PRKACB: variants seen among roughly 807,000 people sequenced by gnomAD.
The protein encoded by PRKACB is protein kinase cAMP-activated catalytic subunit beta.
In PRKACB, 16 loss-of-function variants were observed where a neutral mutation model predicts 51.4. The ratio of observed to expected loss-of-function variants is 0.31; its 90% confidence interval spans 0.21 to 0.47. The LOEUF (loss-of-function observed/expected upper bound fraction) is 0.47. Ranked by LOEUF, PRKACB falls within the 20% of genes least tolerant of loss-of-function variation. PRKACB has a pLI of 1.00. For synonymous variants in PRKACB, 147 were observed against 154.4 expected (o/e 0.95, Z 0.35); for missense variants, 309 against 464.5 (o/e 0.67, Z 3.08).
At chr1:84,172,982 G>A (rs201881874) in intron 1 of PRKACB, among the ~76,000 whole-genome samples, 4 of 151,532 alleles carry the variant, frequency 2.6e-5, no homozygotes, top group Non-Finnish European at 4.4e-5. Context: ...TTTTATACTC[G>A]CTATCATTTT....
chr1:84,205,973 T>C (rs1671279540), intron 8 of PRKACB, among the ~76,000 whole-genome samples: 1 of 152,214 alleles, frequency 6.6e-6, no homozygotes, highest in South Asian at 2.1e-4. Flanking sequence ...TTAAATTTCA[T>C]GTCTCAGTGT....
intron 3 of PRKACB, 56 bp from the exon 4 acceptor site, chr1:84,183,978 AATG>A: frequency 7.0e-7 from 1 of 1,436,746 alleles, no homozygotes; most frequent in Non-Finnish European, 9.2e-7. Context: ...CATTTTTTTA[AATG>A]ATAACTTTTT....
At chr1:84,188,007 A>G (rs1363695794) in intron 5 of PRKACB, among the ~76,000 whole-genome samples, 1 of 152,114 alleles carries the variant, frequency 6.6e-6, no homozygotes, top group African/African-American at 2.4e-5. Context: ...ATTCTGCTAT[A>G]AAGAGAGAGC....
At chr1:84,222,695 A>G (rs2101633542) in intron 9 of PRKACB, among the ~76,000 whole-genome samples, 1 of 152,324 alleles carries the variant, frequency 6.6e-6, no homozygotes, top group East Asian at 1.9e-4. Context: ...CTGCTGTAAT[A>G]GTGGTAATTC....
At chr1:84,102,895 CTT>C (rs1307105221) in intron 1 of PRKACB, among the ~76,000 whole-genome samples, 1 of 152,176 alleles carries the variant, frequency 6.6e-6, no homozygotes, top group Non-Finnish European at 1.5e-5. Flanking sequence ...GTTTATACCT[CTT>C]GTTTTCCCTC....
chr1:84,202,663 T>C lies in PRKACB; in HGVS notation c.784-20T>C, dbSNP rs1670477667. The C allele has an allele frequency of 1.3e-6, 2 of 1,575,448 alleles. No homozygotes were observed. The highest frequency in any genetic ancestry group is 8.6e-7 in the Non-Finnish European group (1 of 1,161,176). ...TGAGTAACTTAAGTAACAATTGACA[T>C]TGGTGTTGGTTTATCTCAGGGCTAC... On this transcript the variant is annotated intron_variant, in intron 7 of 9. Coordinates refer to ENST00000370685, the MANE Select transcript of PRKACB (RefSeq NM_182948.4).
chr1:84,233,075 C>T (rs192627627), intron 9 of PRKACB, among the ~76,000 whole-genome samples: 36 of 151,372 alleles, frequency 2.4e-4, no homozygotes, highest in African/African-American at 1.5e-4. Context: ...CCATGTTTAG[C>T]ACTTCCTTCA....
chr1:84,213,902 C>T (rs540818824), intron 8 of PRKACB, among the ~76,000 whole-genome samples: 2 of 152,266 alleles, frequency 1.3e-5, no homozygotes, highest in South Asian at 4.1e-4. Context: ...GGAGACTGCT[C>T]CATGTTCTTA....
Position 84,222,731 on chromosome 1 carries a change from G to T in PRKACB, c.1071+8414G>T, listed in dbSNP as rs369151357. 2.0e-5 allele frequency among the ~76,000 whole-genome samples: 3 copies of T among 152,286 alleles called. No individual in the cohort carries two copies. In the East Asian group the frequency reaches 5.8e-4, roughly 29 times the overall value. The stretch of plus-strand genomic sequence containing the variant: ...CCTCAGTTTTTGCTTATCTGGGAAA[G>T]ACTTTTTTTCTCCTTCATTTTTGAA... On this transcript the variant is annotated intron_variant, in intron 9 of 9. Transcript: ENST00000370685.
intron 1 of PRKACB, among the ~76,000 whole-genome samples, chr1:84,102,105 G>A (rs1649392062): frequency 6.6e-6 from 1 of 151,650 alleles, no homozygotes; most frequent in Non-Finnish European, 1.5e-5. Context: ...AAAATTTTGT[G>A]TGTGCCTGTA....
At chr1:84,205,875 A>T (rs1308571127) in intron 8 of PRKACB, among the ~76,000 whole-genome samples, 2 of 152,126 alleles carry the variant, frequency 1.3e-5, no homozygotes, top group African/African-American at 4.8e-5. Context: ...GAGTCTACAA[A>T]TTCATAGTTG....
chr1:84,083,759 A>G (rs1647738166), intron 1 of PRKACB, among the ~76,000 whole-genome samples: 2 of 152,242 alleles, frequency 1.3e-5, no homozygotes, highest in African/African-American at 4.8e-5. Context: ...TTAAATAGAA[A>G]AGTGTGAAAT....
chr1:84,122,899 G>GT (rs1651207730), intron 1 of PRKACB, among the ~76,000 whole-genome samples: 1 of 152,076 alleles, frequency 6.6e-6, no homozygotes, highest in Non-Finnish European at 1.5e-5. Context: ...ACCTAAACTT[G>GT]TGTTTATCTT....
chr1:84,175,692 G>A (rs1198031985), intron 1 of PRKACB: 11 of 942,380 alleles, frequency 1.2e-5, no homozygotes, highest in African/African-American at 1.7e-5. Context: ...GAAGTAAGTT[G>A]TGTTTTTATG....
chr1:84,136,885 G>A lies in PRKACB; in HGVS notation c.47-42292G>A, dbSNP rs1044840824. Reference sequence around the variant, plus strand: ...ATCATGAATTGTAATCCCCATAATCGCCATGTGTCAAAGAAGAAACCAGGT... The same window carrying A: ...ATCATGAATTGTAATCCCCATAATCACCATGTGTCAAAGAAGAAACCAGGT... On this transcript the variant is annotated intron_variant, in intron 1 of 8. Coordinates refer to the PRKACB transcript ENST00000370688. Among the ~76,000 whole-genome samples, 4 of 152,146 alleles carry A rather than the reference G, an allele frequency of 2.6e-5. No individual in the cohort carries two copies. The South Asian group carries it at 8.3e-4, about 32-fold the overall frequency.
chr1:84,135,055 G>A (rs1652658818), intron 1 of PRKACB, among the ~76,000 whole-genome samples: 1 of 152,088 alleles, frequency 6.6e-6, no homozygotes, highest in Admixed American at 6.6e-5. Flanking sequence ...GAATAGGTAA[G>A]GTAAAAAGGA....
At chr1:84,192,003 T>C (rs937319025) in intron 5 of PRKACB, among the ~76,000 whole-genome samples, 2 of 152,120 alleles carry the variant, frequency 1.3e-5, no homozygotes, top group Non-Finnish European at 2.9e-5. Context: ...ATACAATATA[T>C]GTACATATGC....
At chr1:84,193,357 C>A (rs1667339946) in intron 5 of PRKACB, among the ~76,000 whole-genome samples, 1 of 152,088 alleles carries the variant, frequency 6.6e-6, no homozygotes, top group Non-Finnish European at 1.5e-5. Context: ...GCTTTAGGAT[C>A]CCACTTCTGA....
At chr1:84,211,938 G>A (rs1463617877) in intron 8 of PRKACB, among the ~76,000 whole-genome samples, 1 of 151,828 alleles carries the variant, frequency 6.6e-6, no homozygotes, top group Non-Finnish European at 1.5e-5. Flanking sequence ...GATAATAAAG[G>A]GCCTTGCAAA....
Sources: gnomAD v4.1 joint callset for allele counts (sites outside exome capture counted in the v4.1 genomes callset) on GRCh38, gnomAD v4.1.1 for gene constraint, MANE v1.5 for transcripts, NCBI Gene and HGNC (gene_info 2026-07-23, HGNC 2026-07-21) for gene names.